The following PRNP variants were observed in gnomAD, a reference collection of about 807,000 sequenced individuals.
The protein encoded by PRNP is prion protein (Kanno blood group).
A neutral mutation model predicts 21.3 loss-of-function variants in PRNP; 15 were observed. That is an observed-to-expected ratio of 0.71 (90% confidence interval 0.47 to 1.09). The LOEUF is 1.09. PRNP is among the 50% of genes least tolerant of loss of function. The pLI, the probability that PRNP is intolerant of heterozygous loss-of-function variation, is 0.00. For synonymous variants in PRNP, 121 were observed against 123.1 expected (o/e 0.98, Z 0.11); for missense variants, 285 against 340.9 (o/e 0.84, Z 1.29).
At chr20:4,692,487 G>T (rs1416607046) in intron 1 of PRNP, among the ~76,000 whole-genome samples, 20 of 152,118 alleles carry the variant, frequency 1.3e-4, no homozygotes, top group Non-Finnish European at 1.5e-5. Flanking sequence ...ATAGATTATT[G>T]TTCACCACAT....
Position 4,700,037 on chromosome 20 carries a change from C to T in PRNP, c.*55C>T, listed in dbSNP as rs1037145753. On this transcript the variant is annotated 3_prime_UTR_variant, in exon 2 of 2. Coordinates refer to ENST00000379440, the MANE Select transcript of PRNP (RefSeq NM_000311.5). This position sits in a 1 kb window ranked among gnomAD's most constrained non-coding sequence, Gnocchi z 4.1. Reference sequence around the variant, plus strand: ...TAATCTTTTTCCAGCTTGAGGGAGGCGGTATCCACCTGCAGCCCTTTTAGT... The same window carrying T: ...TAATCTTTTTCCAGCTTGAGGGAGGTGGTATCCACCTGCAGCCCTTTTAGT... 1.2e-5 allele frequency: 19 copies of T among 1,556,388 alleles called. No homozygotes were observed. Among genetic ancestry groups the T allele is most frequent in the Middle Eastern group, 1.7e-4 (1 of 6,022 alleles).
rs1407336496 is a variant in PRNP, at chr20:4,686,894, C to T, written c.-11+382C>T. ...TGGCGCCCAGGGAACTCCGGGAGGGCCGCCAGCGGGCTCCGCAGGGCGCGG... is the reference window on the plus strand; with the variant it reads ...TGGCGCCCAGGGAACTCCGGGAGGGTCGCCAGCGGGCTCCGCAGGGCGCGG... On this transcript the variant is annotated intron_variant, in intron 1 of 1. Coordinates refer to ENST00000379440, the MANE Select transcript of PRNP (RefSeq NM_000311.5). This position sits in a 1 kb window ranked among gnomAD's most constrained non-coding sequence, Gnocchi z 6.7. Among the ~76,000 whole-genome samples, 2 of 151,404 alleles carry T rather than the reference C, an allele frequency of 1.3e-5. No individual in the cohort carries two copies. The highest frequency in any genetic ancestry group is 3.0e-5 in the Non-Finnish European group (2 of 67,782).
chr20:4,688,406 T>G (rs965376862), intron 1 of PRNP, among the ~76,000 whole-genome samples: 1 of 152,186 alleles, frequency 6.6e-6, no homozygotes. Flanking sequence ...TGATAGCTAC[T>G]TTCTGCGTCT....
chr20:4,693,867 C>A (rs1314878481), intron 1 of PRNP, among the ~76,000 whole-genome samples: 1 of 151,408 alleles, frequency 6.6e-6, no homozygotes, highest in Non-Finnish European at 1.5e-5. Context: ...GAGGCTGAGG[C>A]CTGCAGATTG....
intron 1 of PRNP, among the ~76,000 whole-genome samples, chr20:4,690,548 A>C (rs111294669): frequency 0.02 from 3,038 of 152,254 alleles, 92 homozygotes; most frequent in African/African-American, 0.067. Context: ...GTAGCTTTGC[A>C]CTCTGACACC....
chr20:4,693,118 C>T (rs950875742), intron 1 of PRNP, among the ~76,000 whole-genome samples: 2 of 152,172 alleles, frequency 1.3e-5, no homozygotes, highest in African/African-American at 4.8e-5. Context: ...GCATCACCGC[C>T]ATCTCCCTGG....
intron 1 of PRNP, among the ~76,000 whole-genome samples, chr20:4,687,239 CG>C (rs1921515930): frequency 6.7e-6 from 1 of 150,038 alleles, no homozygotes; most frequent in Admixed American, 6.6e-5. Flanking sequence ...GACTGACGGG[CG>C]GGGGCGGGGC....
At chr20:4,687,589 AT>A (rs11477771) in intron 1 of PRNP, among the ~76,000 whole-genome samples, 33,103 of 151,034 alleles carry the variant, frequency 0.22, 5,295 homozygotes, top group African/African-American at 0.46. Flanking sequence ...TAGGAAATAG[AT>A]TTTTTTTTTA....
chr20:4,699,645 G>A lies in PRNP; in HGVS notation c.425G>A (p.Gly142Asp). 6.2e-7 allele frequency: 1 copy of A among 1,614,108 alleles called. No homozygotes were observed. The highest frequency in any genetic ancestry group is 8.5e-7 in the Non-Finnish European group (1 of 1,180,016). Residue 142 changes from glycine (G) to aspartate (D), a missense_variant, in exon 2 of 2, where the codon GGC (glycine) becomes GAC (aspartate). Gly to Asp is a moderately conservative substitution (Grantham distance 94). Coordinates refer to ENST00000379440, the MANE Select transcript of PRNP (RefSeq NM_000311.5). The surrounding 1 kb of genome is among the most constrained non-coding windows in gnomAD (Gnocchi z 5.8). Reference sequence around the variant, plus strand: ...ATGAGCAGGCCCATCATACATTTCGGCAGTGACTATGAGGACCGTTACTAT... The same window carrying A: ...ATGAGCAGGCCCATCATACATTTCGACAGTGACTATGAGGACCGTTACTAT... ...SAMSRPIIHF[G>D]SDYEDRYYRE...
rs375669536 is a variant in PRNP, at chr20:4,695,759, A to G, written c.-10-3452A>G. On this transcript the variant is annotated intron_variant, in intron 1 of 1. Transcript: ENST00000379440. ...TTCCCCCATTCCTCCTCCAGGTCAC[A>G]AAGACATTTCCCAATATTTTCCTCT... Among the ~76,000 whole-genome samples the G allele has an allele frequency of 5.3e-5, 8 of 152,358 alleles. No homozygotes were observed. In the South Asian group the frequency reaches 1.2e-3, roughly 24 times the overall value.
rs6037934 is a variant in PRNP, at chr20:4,700,206, T to C, written c.*224T>C. The C allele has an allele frequency of 4.2e-6, 6 of 1,418,066 alleles. No individual in the cohort carries two copies. In the East Asian group the frequency reaches 1.5e-4, roughly 36 times the overall value. 87.8% of individuals were successfully genotyped at this position (1,418,066 alleles called of 1,614,324 possible). On this transcript the variant is annotated 3_prime_UTR_variant, in exon 2 of 2. Coordinates refer to ENST00000379440, the MANE Select transcript of PRNP (RefSeq NM_000311.5). The surrounding 1 kb of genome is among the most constrained non-coding windows in gnomAD (Gnocchi z 4.1). Reference sequence around the variant, plus strand: ...TGAGTTCATCATGAGCCGTTGCTAATGCCAGGCCAGTAAAAGTATAACAGC... The same window carrying C: ...TGAGTTCATCATGAGCCGTTGCTAACGCCAGGCCAGTAAAAGTATAACAGC...
intron 1 of PRNP, among the ~76,000 whole-genome samples, chr20:4,696,138 T>G (rs573719080): frequency 3.3e-5 from 5 of 152,362 alleles, no homozygotes; most frequent in Admixed American, 6.5e-5. Context: ...CATGGACATT[T>G]TCTTCCCCAT....
intron 1 of PRNP, among the ~76,000 whole-genome samples, chr20:4,690,279 C>G (rs1921739946): frequency 6.6e-6 from 1 of 152,094 alleles, no homozygotes; most frequent in Non-Finnish European, 1.5e-5. Context: ...GACATTTGCC[C>G]CTTCCCGATG....
chr20:4,688,287 G>A (rs1921603568), intron 1 of PRNP, among the ~76,000 whole-genome samples: 1 of 152,160 alleles, frequency 6.6e-6, no homozygotes, highest in Non-Finnish European at 1.5e-5. Context: ...GTCTGGGGAG[G>A]TGGCAGGGCT....
At chr20:4,687,071 G>A (rs1921494358) in intron 1 of PRNP, among the ~76,000 whole-genome samples, 1 of 152,058 alleles carries the variant, frequency 6.6e-6, no homozygotes, top group Non-Finnish European at 1.5e-5. Flanking sequence ...AGAGAGGGGC[G>A]CCCGCCGGGG....
rs948292109 is a variant in PRNP at position 4,701,262 on chromosome 20, T to C, written c.*1280T>C. On this transcript the variant is annotated 3_prime_UTR_variant, in exon 2 of 2. Coordinates refer to ENST00000379440, the MANE Select transcript of PRNP (RefSeq NM_000311.5). This position sits in a 1 kb window ranked among gnomAD's most constrained non-coding sequence, Gnocchi z 4.2. ...TTTGTGAGTATTCTATGTAAAAATA[T>C]ATATGTATATAAAATATATATTGCA... 2 of 167,074 alleles carry C rather than the reference T, an allele frequency of 1.2e-5. No individual in the cohort carries two copies. Among genetic ancestry groups the C allele is most frequent in the African/African-American group, 2.4e-5 (1 of 41,456 alleles). 10.3% of individuals were successfully genotyped at this position (167,074 alleles called of 1,614,324 possible).
At chr20:4,688,881 A>T (rs936109683) in intron 1 of PRNP, among the ~76,000 whole-genome samples, 1 of 152,226 alleles carries the variant, frequency 6.6e-6, no homozygotes, top group African/African-American at 2.4e-5. Context: ...TATTGCTCTC[A>T]CTAAGGGCGT....
intron 1 of PRNP, among the ~76,000 whole-genome samples, chr20:4,695,330 A>G (rs942010772): frequency 6.6e-6 from 1 of 151,996 alleles, no homozygotes; most frequent in East Asian, 1.9e-4. Context: ...GTTCCTCTGC[A>G]TGCGTCCATG....
intron 1 of PRNP, among the ~76,000 whole-genome samples, chr20:4,694,192 A>AT (rs200649657): frequency 0.011 from 1,563 of 140,762 alleles, 19 homozygotes; most frequent in Middle Eastern, 0.031. Flanking sequence ...CTAGCCTTCT[A>AT]TTTTTTTTTT....
Sources: gnomAD v4.1 joint callset for allele counts (sites outside exome capture counted in the v4.1 genomes callset) on GRCh38, gnomAD v4.1.1 for gene constraint, Gnocchi (gnomAD v3.1) non-coding constraint, MANE v1.5 for transcripts, NCBI Gene and HGNC (gene_info 2026-07-23, HGNC 2026-07-21) for gene names.